ASAP1: variants seen among roughly 807,000 people sequenced by gnomAD.
ASAP1 encodes ArfGAP with SH3 domain, ankyrin repeat and PH domain 1, also known as arf-GAP with SH3 domain, ANK repeat and PH domain-containing protein 1.
In ASAP1, 43 loss-of-function variants were observed where a neutral mutation model predicts 145.2. That is an observed-to-expected ratio of 0.30 (90% CI 0.23 to 0.38). ASAP1 has a LOEUF of 0.38. ASAP1 is among the 10% of genes least tolerant of loss of function. The pLI is 1.00. For synonymous variants in ASAP1, 546 were observed against 515.5 expected (o/e 1.06, Z -0.80); for missense variants, 1,018 against 1,355.3 (o/e 0.75, Z 3.91).
Position 130,054,670 on chromosome 8 carries a change from G to GTTACATGAAGGCAGCAGTC in ASAP1, c.*42_*60dup. On this transcript the variant is annotated 3_prime_UTR_variant, in exon 30 of 30. Transcript: ENST00000518721. ...CAGCTATATACACACTGTGCCCAGGGTTACATGAAGGCAGCAGTCTTGCAT... is the reference window on the plus strand; with the variant it reads ...CAGCTATATACACACTGTGCCCAGGGTTACATGAAGGCAGCAGTCTTACATGAAGGCAGCAGTCTTGCAT... 1 of 1,448,190 alleles carries GTTACATGAAGGCAGCAGTC rather than the reference G, an allele frequency of 6.9e-7. No individual in the cohort carries two copies. The highest frequency in any genetic ancestry group is 9.7e-7 in the Non-Finnish European group (1 of 1,030,416). 89.7% of individuals were successfully genotyped at this position (1,448,190 alleles called of 1,614,324 possible).
At chr8:130,209,690 C>G (rs1362835118) in intron 5 of ASAP1, among the ~76,000 whole-genome samples, 2 of 152,060 alleles carry the variant, frequency 1.3e-5, no homozygotes, top group Admixed American at 1.3e-4. Context: ...GCATAAAGCC[C>G]TTTTTAGGCA....
chr8:130,262,417 AGAGAGAGAGAGAGAGAGAG>A (rs1819979044), intron 3 of ASAP1, among the ~76,000 whole-genome samples: 13 of 32,980 alleles, frequency 3.9e-4, no homozygotes, highest in South Asian at 3.3e-3. Context: ...AAAAAAAAAA[AGAGAGAGAGAGAGAGAGAG>A]AGAGAGAGAG....
At chr8:130,073,950 G>C (rs1478212522) in intron 27 of ASAP1, among the ~76,000 whole-genome samples, 1 of 152,142 alleles carries the variant, frequency 6.6e-6, no homozygotes. Context: ...CAAACACGAG[G>C]GGATGGAATC....
chr8:130,360,311 T>C (rs943154349), intron 2 of ASAP1, among the ~76,000 whole-genome samples: 1 of 152,226 alleles, frequency 6.6e-6, no homozygotes, highest in African/African-American at 2.4e-5. Flanking sequence ...AATCCTGTTG[T>C]CTATGGCATC....
chr8:130,438,651 C>G (rs1026020175), intron 1 of ASAP1, among the ~76,000 whole-genome samples: 9 of 152,036 alleles, frequency 5.9e-5, no homozygotes, highest in African/African-American at 1.2e-4. Flanking sequence ...TTTCAAGAGG[C>G]TGGGTGAGAA....
intron 3 of ASAP1, among the ~76,000 whole-genome samples, chr8:130,320,935 A>G (rs1011585437): frequency 3.9e-5 from 6 of 152,252 alleles, no homozygotes; most frequent in African/African-American, 1.2e-4. Flanking sequence ...ACAAGTAAAC[A>G]ACTAACGGGC....
chr8:130,312,067 G>A (rs1823390113), intron 3 of ASAP1, among the ~76,000 whole-genome samples: 1 of 151,966 alleles, frequency 6.6e-6, no homozygotes, highest in South Asian at 2.1e-4. Context: ...CTTGAGCCCA[G>A]GAGTTCAAAA....
chr8:130,296,683 T>A (rs1822298490), intron 3 of ASAP1, among the ~76,000 whole-genome samples: 1 of 152,118 alleles, frequency 6.6e-6, no homozygotes, highest in Non-Finnish European at 1.5e-5. Context: ...AGAATTAATT[T>A]CTTCTGGCTT....
At chr8:130,316,109 T>C (rs1823647433) in intron 3 of ASAP1, among the ~76,000 whole-genome samples, 1 of 152,258 alleles carries the variant, frequency 6.6e-6, no homozygotes, top group African/African-American at 2.4e-5. Flanking sequence ...TCTCAAAGAA[T>C]GCTGTCCCTT....
At chr8:130,062,217 A>C (rs758824024) in intron 27 of ASAP1, among the ~76,000 whole-genome samples, 1 of 152,154 alleles carries the variant, frequency 6.6e-6, no homozygotes, top group Admixed American at 6.6e-5. Context: ...CTCAGGGAGG[A>C]AACAGCTGAC....
chr8:130,385,853 T>C (rs539038053), intron 2 of ASAP1, among the ~76,000 whole-genome samples: 2 of 152,318 alleles, frequency 1.3e-5, no homozygotes, highest in African/African-American at 4.8e-5. Context: ...TGCCGGTGAA[T>C]GCATTTCAAA....
At chr8:130,086,366 G>A (rs140538639) in intron 25 of ASAP1, among the ~76,000 whole-genome samples, 122 of 152,322 alleles carry the variant, frequency 8.0e-4, no homozygotes, top group African/African-American at 2.8e-3. Flanking sequence ...TAACACATGC[G>A]AAGTGCTCAA....
At chr8:130,169,193 T>C (rs1450691699) in intron 9 of ASAP1, 126 bp from the exon 10 acceptor site, 7 of 531,942 alleles carry the variant, frequency 1.3e-5, no homozygotes, top group South Asian at 6.1e-5. Flanking sequence ...TATCTGTATA[T>C]ATATACTCAT....
intron 4 of ASAP1, among the ~76,000 whole-genome samples, chr8:130,234,113 G>C (rs1369158321): frequency 6.6e-6 from 1 of 152,130 alleles, no homozygotes; most frequent in Admixed American, 6.6e-5. Context: ...TACTCCAAGA[G>C]AGATGGTTAG....
At chr8:130,160,046 G>A in intron 11 of ASAP1, 82 bp from the exon 12 acceptor site, 1 of 1,197,210 alleles carries the variant, frequency 8.4e-7, no homozygotes, top group South Asian at 1.2e-5. Flanking sequence ...TGAGCCTTTG[G>A]CACTGGTCTG....
intron 2 of ASAP1, among the ~76,000 whole-genome samples, chr8:130,381,877 T>A (rs112914275): frequency 0.015 from 2,302 of 152,300 alleles, 62 homozygotes; most frequent in African/African-American, 0.051. Context: ...CTTGTCACTC[T>A]CCAGGTCTTA....
In ASAP1 at chr8:130,272,393, A is replaced by G. The variant is rs75770394; in HGVS notation, c.187-35399T>C. Among the ~76,000 whole-genome samples, 1,185 of 152,308 alleles carry G rather than the reference A, an allele frequency of 7.8e-3. 14 individuals carry two copies. Among genetic ancestry groups the G allele is most frequent in the African/African-American group, 0.027 (1,140 of 41,570 alleles). Reference sequence around the variant, plus strand: ...AAAGGTAACTCTACACATCGTTGGTAGGAATCTAAATTAGTACAGTCGCTG... The same window carrying G: ...AAAGGTAACTCTACACATCGTTGGTGGGAATCTAAATTAGTACAGTCGCTG... On this transcript the variant is annotated intron_variant, in intron 3 of 29. Coordinates refer to ENST00000518721, the MANE Select transcript of ASAP1 (RefSeq NM_018482.4).
At chr8:130,300,113 T>TACACACACACAC (rs373589102) in intron 3 of ASAP1, among the ~76,000 whole-genome samples, 199 of 72,846 alleles carry the variant, frequency 2.7e-3, no homozygotes, top group African/African-American at 2.9e-3. Context: ...AAAAGAAAAA[T>TACACACACACAC]ACACACACAC....
At chr8:130,425,621 G>C (rs1829888429) in intron 1 of ASAP1, among the ~76,000 whole-genome samples, 1 of 152,160 alleles carries the variant, frequency 6.6e-6, no homozygotes, top group Non-Finnish European at 1.5e-5. Context: ...GTTTTGAAAA[G>C]GTTAAGCATA....
Sources: gnomAD v4.1 joint callset for allele counts (sites outside exome capture counted in the v4.1 genomes callset) on GRCh38, gnomAD v4.1.1 for gene constraint, MANE v1.5 for transcripts, NCBI Gene and HGNC (gene_info 2026-07-23, HGNC 2026-07-21) for gene names.